The following PHF20L1 variants were observed in gnomAD, a reference collection of about 807,000 sequenced individuals.
The protein encoded by PHF20L1 is PHD finger protein 20-like protein 1.
PHF20L1 carries 44 observed loss-of-function variants against 125.5 expected under a neutral mutation model. That is an observed-to-expected ratio of 0.35 (90% CI 0.28 to 0.45). The LOEUF is 0.45. PHF20L1 is among the 20% of genes least tolerant of loss of function. The probability of loss-of-function intolerance (pLI) is 1.00; values close to 1 mark genes in which losing one functional copy is unlikely to be tolerated. For missense variants in PHF20L1, 1,012 were observed against 1,217.2 expected (o/e 0.83, Z 2.51); for synonymous variants, 380 against 403.1 (o/e 0.94, Z 0.69).
rs745316202 is a variant in PHF20L1, at chr8:132,798,801, G to A, written c.370G>A (p.Val124Ile). The A allele has an allele frequency of 1.9e-6, 3 of 1,609,402 alleles. No individual in the cohort carries two copies. The highest frequency in any genetic ancestry group is 3.4e-5 in the Admixed American group (2 of 59,684). ...GTFTVQFYDG[V>I]IRCLKRMHIK... ...ATTTACAGTTCAGTTTTATGATGGA[G>A]TAATTCGTTGTTTAAAAAGAATGCA... The change falls in exon 5 of 21, where the codon GTA becomes ATA. Residue 124 changes from valine to isoleucine, a missense_variant. By Grantham distance (29) the Val-to-Ile change is conservative. Coordinates refer to ENST00000395386, the MANE Select transcript of PHF20L1 (RefSeq NM_016018.5).
intron 2 of PHF20L1, among the ~76,000 whole-genome samples, chr8:132,786,342 T>C (rs1395263042): frequency 1.3e-5 from 2 of 152,094 alleles, no homozygotes; most frequent in Non-Finnish European, 2.9e-5. Context: ...AAACAGCCTC[T>C]TATCTTTGCT....
At chr8:132,797,493 A>T (rs1345514188) in intron 4 of PHF20L1, among the ~76,000 whole-genome samples, 1 of 152,030 alleles carries the variant, frequency 6.6e-6, no homozygotes, top group East Asian at 1.9e-4. Context: ...GCAGAGAGGT[A>T]TTAATGCCCA....
chr8:132,815,179 CA>C (rs894113706), intron 10 of PHF20L1: 2,400 of 183,816 alleles, frequency 0.013, no homozygotes, highest in Middle Eastern at 0.025. Context: ...TGATTCATTA[CA>C]AAAAAAAAAA....
chr8:132,832,793 C>T (rs565433221), intron 15 of PHF20L1, among the ~76,000 whole-genome samples: 2 of 152,156 alleles, frequency 1.3e-5, no homozygotes, highest in Non-Finnish European at 2.9e-5. Context: ...GTCTTAACTC[C>T]GTAGATAATG....
intron 15 of PHF20L1, among the ~76,000 whole-genome samples, chr8:132,833,109 G>A (rs1485991777): frequency 6.6e-6 from 1 of 152,096 alleles, no homozygotes; most frequent in Non-Finnish European, 1.5e-5. Flanking sequence ...TGTGGCATAA[G>A]AGTAGAGCTC....
intron 10 of PHF20L1, chr8:132,815,389 G>A (rs1428906420): frequency 2.0e-5 from 3 of 151,416 alleles, no homozygotes; most frequent in African/African-American, 4.9e-5. Context: ...TACTGTTTCA[G>A]TACTTCTAAT....
intron 14 of PHF20L1, among the ~76,000 whole-genome samples, chr8:132,831,702 G>A (rs572946336): frequency 1.1e-4 from 17 of 151,602 alleles, no homozygotes; most frequent in Non-Finnish European, 2.2e-4. Flanking sequence ...TGCACCAACC[G>A]AATAAGTTCT....
chr8:132,836,527 G>T lies in PHF20L1; in HGVS notation c.1910-13G>T. 1 of 1,538,302 alleles carries T rather than the reference G, an allele frequency of 6.5e-7. No individual in the cohort carries two copies. On this transcript the variant is annotated splice_polypyrimidine_tract_variant and intron_variant, in intron 15 of 20. Transcript: ENST00000395386. Reference sequence around the variant, plus strand: ...AAAAGTTGTTCTAAGTATACTTTTTGTATATATTCTAGACTTATCAGATGT... The same window carrying T: ...AAAAGTTGTTCTAAGTATACTTTTTTTATATATTCTAGACTTATCAGATGT...
Position 132,848,566 on chromosome 8 carries a change from C to T in PHF20L1, c.*2643C>T, listed in dbSNP as rs1466231030. 1 of 152,572 alleles carries T rather than the reference C, an allele frequency of 6.6e-6. No individual in the cohort carries two copies. The highest frequency in any genetic ancestry group is 1.9e-4 in the East Asian group (1 of 5,200). The allele number at this position is 152,572 out of a possible 1,614,324, so 9.5% of individuals were successfully genotyped here. A position where few individuals can be genotyped will look rare whatever the true frequency, so the allele number is the denominator to read the frequency against. On this transcript the variant is annotated 3_prime_UTR_variant, in exon 21 of 21. Coordinates refer to ENST00000395386, the MANE Select transcript of PHF20L1 (RefSeq NM_016018.5). ...TGAGCATTGGTAGAGAAGGCTCCCT[C>T]TTGGTATGTTACTGATAAACTTGTA... is the stretch of plus-strand genomic sequence containing the variant.
Position 132,825,248 on chromosome 8 carries a change from C to A in PHF20L1, c.1637-16C>A. ...GATCAGTCGTGATTGCTAAAGTATT[C>A]ACTTTTATCTTTTAGGTAAGAGAAA... On this transcript the variant is annotated splice_polypyrimidine_tract_variant and intron_variant, in intron 13 of 20. Transcript: ENST00000395386. 2 of 1,590,796 alleles carry A rather than the reference C, an allele frequency of 1.3e-6. No individual in the cohort carries two copies. The highest frequency in any genetic ancestry group is 2.2e-5 in the South Asian group (2 of 89,630).
At chr8:132,782,976 A>G (rs879862635) in intron 2 of PHF20L1, among the ~76,000 whole-genome samples, 2 of 152,156 alleles carry the variant, frequency 1.3e-5, no homozygotes, top group Admixed American at 6.5e-5. Context: ...TTCTGAATAT[A>G]GTTTAGTAAG....
intron 2 of PHF20L1, 30 bp from the exon 3 acceptor site, chr8:132,794,380 C>G: frequency 1.4e-6 from 2 of 1,402,226 alleles, no homozygotes; most frequent in Non-Finnish European, 2.0e-6. Context: ...TAAGGATTTT[C>G]TCTTTATATG....
chr8:132,837,444 GAATT>G (rs1238453608), intron 16 of PHF20L1, among the ~76,000 whole-genome samples: 2 of 152,088 alleles, frequency 1.3e-5, no homozygotes, highest in African/African-American at 2.4e-5. Flanking sequence ...ATATCAGTGA[GAATT>G]AAATTAGAGA....
At chr8:132,844,467 A>G in intron 20 of PHF20L1, 149 bp downstream of exon 20, 1 of 627,026 alleles carries the variant, frequency 1.6e-6, no homozygotes, top group Non-Finnish European at 2.7e-6. Flanking sequence ...ATTGTATTTA[A>G]CACATTTGGG....
At chr8:132,810,506 C>T (rs1005199390) in intron 8 of PHF20L1, 4 of 152,156 alleles carry the variant, frequency 2.6e-5, no homozygotes, top group Non-Finnish European at 5.9e-5. Context: ...AAAATGGATC[C>T]ATCTGTGTTT....
chr8:132,805,976 T>C (rs1833645122), intron 8 of PHF20L1, among the ~76,000 whole-genome samples: 1 of 152,146 alleles, frequency 6.6e-6, no homozygotes, highest in East Asian at 1.9e-4. Flanking sequence ...TTTGTTCTTA[T>C]GGCATGAGAC....
Position 132,804,602 on chromosome 8 carries a change from C to T in PHF20L1, c.722-13C>T. The T allele has an allele frequency of 6.3e-7, 1 of 1,591,836 alleles. No homozygotes were observed. The highest frequency in any genetic ancestry group is 8.6e-7 in the Non-Finnish European group (1 of 1,163,034). The stretch of plus-strand genomic sequence containing the variant: ...CTAGATAAACTCTCATATATGTGTT[C>T]TGTTGAAAGTAGGACTTCATGTAGA... On this transcript the variant is annotated splice_polypyrimidine_tract_variant and intron_variant, in intron 7 of 20. Coordinates refer to ENST00000395386, the MANE Select transcript of PHF20L1 (RefSeq NM_016018.5).
intron 12 of PHF20L1, 72 bp from the exon 13 acceptor site, chr8:132,823,932 G>A: frequency 1.2e-6 from 1 of 844,832 alleles, no homozygotes; most frequent in Middle Eastern, 2.9e-4. Flanking sequence ...ATGAGCAATT[G>A]TAATGTAAAA....
intron 2 of PHF20L1, among the ~76,000 whole-genome samples, chr8:132,785,980 A>C (rs1162608427): frequency 2.0e-5 from 3 of 152,110 alleles, no homozygotes; most frequent in Non-Finnish European, 4.4e-5. Flanking sequence ...TTGGGTTTAA[A>C]AAGGATGAAT....
Sources: allele counts gnomAD v4.1 joint callset (sites outside exome capture counted in the v4.1 genomes callset), GRCh38; gene constraint gnomAD v4.1.1; transcripts MANE v1.5; gene names NCBI Gene and HGNC (gene_info 2026-07-23, HGNC 2026-07-21).